The following CNBP variants were observed in gnomAD, a reference collection of about 807,000 sequenced individuals.
CNBP encodes CCHC-type zinc finger nucleic acid binding protein.
In CNBP, 6 loss-of-function variants were observed where a neutral mutation model predicts 21.2. The ratio of observed to expected loss-of-function variants is 0.28; its 90% CI spans 0.16 to 0.56. The LOEUF (loss-of-function observed/expected upper bound fraction) is 0.56. Among genes scored for constraint, CNBP ranks in the 20% least tolerant of loss-of-function variants. The pLI, the probability that CNBP is intolerant of heterozygous loss-of-function variation, is 0.93. For missense variants in CNBP, 112 were observed against 233.1 expected (o/e 0.48, Z 3.38); for synonymous variants, 61 against 74.9 (o/e 0.81, Z 0.96).
Position 129,171,522 on chromosome 3 carries a change from G to C in CNBP, c.141C>G (p.Ser47=), listed in dbSNP as rs779532978. 70 of 1,613,950 alleles carry C rather than the reference G, an allele frequency of 4.3e-5. No individual in the cohort carries two copies. In the Middle Eastern group the frequency reaches 4.9e-4, roughly 11 times the overall value. The change falls in exon 3 of 5, where the codon TCC becomes TCG. Residue 47 remains serine (S), a synonymous_variant. Coordinates refer to ENST00000422453, the MANE Select transcript of CNBP (RefSeq NM_003418.5). ...FTSDRGFQFV[S]SSLPDICYRC... is the part of the protein sequence containing the mutation. The stretch of plus-strand genomic sequence containing the variant: ...GATAACAAATGTCTGGAAGAGACGA[G>C]GAAACAAACTGGAAACCTGTTTTGA...
At chr3:129,183,315 A>G (rs1431767007) in intron 1 of CNBP, among the ~76,000 whole-genome samples, 1 of 152,126 alleles carries the variant, frequency 6.6e-6, no homozygotes, top group African/African-American at 2.4e-5. Flanking sequence ...ACCCCAGCAC[A>G]TGGCCTGCAC....
rs1937529901 is a variant in CNBP, at chr3:129,169,383, T to C, written c.*1070A>G. 5.2e-6 allele frequency: 1 copy of C among 193,502 alleles called. No homozygotes were observed. The highest frequency in any genetic ancestry group is 2.3e-5 in the African/African-American group (1 of 43,080). 12.0% of individuals were successfully genotyped at this position (193,502 alleles called of 1,614,324 possible). On this transcript the variant is annotated 3_prime_UTR_variant, in exon 5 of 5. Transcript: ENST00000422453. ...AACAGATTACAAAGTGAATTTTCTA[T>C]AGCTTTGCAAAAGTATCTAAATCCC...
In CNBP at chr3:129,174,347, A is replaced by AT. The variant is rs1350255645; in HGVS notation, c.-14-2577dup. On this transcript the variant is annotated intron_variant, in intron 1 of 4. Transcript: ENST00000422453. ...TGGTTTCCACCACAGAAGAGTCAGA[A>AT]TTAAAAAAAAAAAAAAAAAAAAAAA... Among the ~76,000 whole-genome samples the AT allele has an allele frequency of 2.5e-4, 25 of 100,058 alleles. 1 individual carries two copies. The highest frequency in any genetic ancestry group is 5.4e-4 in the African/African-American group (15 of 27,780). 65.6% of individuals were successfully genotyped at this position (100,058 alleles called of 152,430 possible). A position where few individuals can be genotyped will look rare whatever the true frequency, so the allele number is the denominator to read the frequency against.
At chr3:129,181,188 C>T (rs1240796018) in intron 1 of CNBP, among the ~76,000 whole-genome samples, 1 of 125,276 alleles carries the variant, frequency 8.0e-6, no homozygotes, top group Non-Finnish European at 1.6e-5. Flanking sequence ...TGCTGTGAGC[C>T]GAGACTGTGC....
intron 1 of CNBP, among the ~76,000 whole-genome samples, chr3:129,174,538 G>A (rs1937764426): frequency 6.6e-6 from 1 of 151,322 alleles, no homozygotes; most frequent in African/African-American, 2.4e-5. Context: ...GGTGGCTCAT[G>A]CCTATAATCC....
Position 129,175,181 on chromosome 3 carries a change from G to C in CNBP, c.-14-3410C>G, listed in dbSNP as rs371602895. 1.8e-4 allele frequency among the ~76,000 whole-genome samples: 28 copies of C among 151,980 alleles called. No homozygotes were observed. In the East Asian group the frequency reaches 5.4e-3, roughly 29 times the overall value. ...TCTACTAAAATAAAAAAATTACCCA[G>C]GCGTGGTGGTAACGCGCCTGTAGTC... is the stretch of plus-strand genomic sequence containing the variant. On this transcript the variant is annotated intron_variant, in intron 1 of 4. Transcript: ENST00000422453.
At chr3:129,177,153 T>C (rs1388479904) in intron 1 of CNBP, among the ~76,000 whole-genome samples, 1 of 152,210 alleles carries the variant, frequency 6.6e-6, no homozygotes, top group Non-Finnish European at 1.5e-5. Context: ...ACCAAAATAC[T>C]GTTTTTCACT....
chr3:129,181,655 A>AAAAAAAG (rs1938307360), intron 1 of CNBP, among the ~76,000 whole-genome samples: 1 of 141,740 alleles, frequency 7.1e-6, no homozygotes, highest in African/African-American at 2.9e-5. Context: ...GTCTCAGAAA[A>AAAAAAAG]AAAAAAAGAA....
intron 1 of CNBP, among the ~76,000 whole-genome samples, chr3:129,178,948 G>A (rs927461190): frequency 3.3e-5 from 5 of 151,968 alleles, no homozygotes; most frequent in African/African-American, 1.2e-4. Context: ...GGGTTTCACC[G>A]TGTTAGCCAG....
At chr3:129,176,268 C>G (rs1444707089) in intron 1 of CNBP, among the ~76,000 whole-genome samples, 1 of 152,154 alleles carries the variant, frequency 6.6e-6, no homozygotes, top group Non-Finnish European at 1.5e-5. Context: ...CCACCTGTCA[C>G]AACTTTTTCC....
intron 1 of CNBP, among the ~76,000 whole-genome samples, chr3:129,174,492 C>T (rs893664589): frequency 1.3e-5 from 2 of 151,160 alleles, no homozygotes; most frequent in East Asian, 3.9e-4. Context: ...AAGGAGAAAC[C>T]CCGTCTCTAC....
At position 129,170,274 on chromosome 3, in the gene CNBP, T is replaced by C. The variant is rs1937544001; in HGVS notation, c.*179A>G. 1.6e-6 allele frequency: 1 copy of C among 606,558 alleles called. No individual in the cohort carries two copies. Among genetic ancestry groups the C allele is most frequent in the Non-Finnish European group, 3.0e-6 (1 of 338,842 alleles). 37.6% of individuals were successfully genotyped at this position (606,558 alleles called of 1,614,324 possible). ...CCTCTACCAAACTAAACATAAACTT[T>C]TTTTGTAGTTAAATGCAGAAAGTCG... On this transcript the variant is annotated 3_prime_UTR_variant, in exon 5 of 5. Coordinates refer to ENST00000422453, the MANE Select transcript of CNBP (RefSeq NM_003418.5).
chr3:129,182,032 A>G (rs114584693), intron 1 of CNBP, among the ~76,000 whole-genome samples: 4,097 of 151,960 alleles, frequency 0.027, 169 homozygotes, highest in African/African-American at 0.094. Flanking sequence ...ACTATTTAGG[A>G]GGGGGGAGGG....
intron 1 of CNBP, among the ~76,000 whole-genome samples, chr3:129,172,667 GA>G (rs1937624931): frequency 8.9e-6 from 1 of 111,870 alleles, no homozygotes; most frequent in Non-Finnish European, 1.9e-5. Flanking sequence ...CAGACAGACA[GA>G]CAGACAGACA....
intron 1 of CNBP, among the ~76,000 whole-genome samples, chr3:129,172,695 G>GACACACACAC (rs1553787467): frequency 1.0e-4 from 8 of 78,872 alleles, no homozygotes; most frequent in South Asian, 5.9e-4. Context: ...CAGACAGACA[G>GACACACACAC]ACACACACAC....
In CNBP at chr3:129,171,647, A is replaced by G. The variant is rs1023152195; in HGVS notation, c.111T>C (p.Phe37=). 2.5e-6 allele frequency: 4 copies of G among 1,614,228 alleles called. No homozygotes were observed. In the East Asian group the frequency reaches 8.9e-5, roughly 36 times the overall value. The change falls in exon 2 of 5, where the codon TTT becomes TTC. Residue 37 remains phenylalanine, a synonymous_variant. Transcript: ENST00000422453. ...RGMRSRGRGG[F]TSDRGFQFVS... ...TCGACAAAATACCTCTATCCGAGGT[A>G]AAACCACCTCTGCCACGGCTTCTCA...
Position 129,172,679 on chromosome 3 carries a change from GACAGACAGACAGACAGACACAC to G in CNBP, c.-14-930_-14-909del, listed in dbSNP as rs1412533236. 7.2e-4 allele frequency among the ~76,000 whole-genome samples: 71 copies of G among 99,080 alleles called. 1 individual carries two copies. Among genetic ancestry groups the G allele is most frequent in the East Asian group, 4.1e-3 (11 of 2,710 alleles). The allele number at this position is 99,080 out of a possible 152,430, so 65.0% of individuals were successfully genotyped here. A position where few individuals can be genotyped will look rare whatever the true frequency, so the allele number is the denominator to read the frequency against. On this transcript the variant is annotated intron_variant, in intron 1 of 4. Transcript: ENST00000422453. Reference sequence around the variant, plus strand: ...AGGCAGACAGACAGACAGACAGACAGACAGACAGACAGACAGACACACACACACACACACACACACACACACA... The same window carrying G: ...AGGCAGACAGACAGACAGACAGACAGACACACACACACACACACACACACA...
At chr3:129,183,690 C>T (rs963952569) in intron 1 of CNBP, 86 bp downstream of exon 1, 1 of 152,776 alleles carries the variant, frequency 6.5e-6, no homozygotes, top group Non-Finnish European at 1.5e-5. Flanking sequence ...CCATCGCCAC[C>T]TCGCCGCTCC....
rs1937532466 is a variant in CNBP at position 129,169,525 on chromosome 3, A to C, written c.*928T>G. ...TCCCCTCTTTAATATGGTATTTTGCACTATATACATTAATGAAAATTTGAA... is the reference window on the plus strand; with the variant it reads ...TCCCCTCTTTAATATGGTATTTTGCCCTATATACATTAATGAAAATTTGAA... On this transcript the variant is annotated 3_prime_UTR_variant, in exon 5 of 5. Transcript: ENST00000422453. 4.9e-6 allele frequency: 1 copy of C among 203,154 alleles called. No individual in the cohort carries two copies. Among genetic ancestry groups the C allele is most frequent in the African/African-American group, 2.3e-5 (1 of 43,638 alleles). The allele number at this position is 203,154 out of a possible 1,614,324, so 12.6% of individuals were successfully genotyped here. A position where few individuals can be genotyped will look rare whatever the true frequency, so the allele number is the denominator to read the frequency against.
Sources: gnomAD v4.1 joint callset for allele counts (sites outside exome capture counted in the v4.1 genomes callset) on GRCh38, gnomAD v4.1.1 for gene constraint, MANE v1.5 for transcripts, NCBI Gene and HGNC (gene_info 2026-07-23, HGNC 2026-07-21) for gene names.